Variants in SGSH observed in about 807,000 individuals in gnomAD.
The protein encoded by SGSH is heparan sulfate sulfatase.
SGSH carries 48 observed loss-of-function variants against 51.0 expected under a neutral mutation model. That is an observed-to-expected ratio of 0.94 (90% CI 0.75 to 1.20). SGSH has a LOEUF of 1.20. SGSH is among the 50% of genes most tolerant of loss of function. SGSH has a pLI of 0.00. For synonymous variants in SGSH, 321 were observed against 313.4 expected (o/e 1.02, Z -0.26); for missense variants, 662 against 717.8 (o/e 0.92, Z 0.89).
At chr17:80,215,931 C>T (rs1337833329) in intron 2 of SGSH, among the ~76,000 whole-genome samples, 2 of 152,222 alleles carry the variant, frequency 1.3e-5, no homozygotes, top group Non-Finnish European at 2.9e-5. Context: ...ATACGGGGCC[C>T]ATCCATCCAC....
chr17:80,215,053 C>G lies in SGSH; in HGVS notation c.335G>C (p.Ser112Thr), dbSNP rs773947080. ...DKVRSLPLLLSQAGVRTGIIG... is the reference protein window; with the variant it reads ...DKVRSLPLLLTQAGVRTGIIG... The stretch of plus-strand genomic sequence containing the variant: ...CTCACCTGTGCGCACACCAGCTTGG[C>G]TGAGCAGCAGCGGCAGGCTCCGCAC... The change falls in exon 3 of 8, where the codon AGC becomes ACC. Residue 112 changes from serine (S) to threonine (T), a missense_variant. Physicochemically the swap from Ser to Thr is moderately conservative, Grantham distance 58. Coordinates refer to ENST00000326317, the MANE Select transcript of SGSH (RefSeq NM_000199.5). 6.2e-7 allele frequency: 1 copy of G among 1,611,600 alleles called. No homozygotes were observed. The highest frequency in any genetic ancestry group is 1.7e-5 in the Admixed American group (1 of 60,022).
In SGSH at chr17:80,210,577, C is replaced by T. The variant is rs1230339141; in HGVS notation, c.1384G>A (p.Glu462Lys). 6.2e-7 allele frequency: 1 copy of T among 1,613,298 alleles called. No homozygotes were observed. Among genetic ancestry groups the T allele is most frequent in the Non-Finnish European group, 8.5e-7 (1 of 1,179,924 alleles). ...ATDPRFAQLLEMLRDQLAKWQ... is the reference protein window; with the variant it reads ...ATDPRFAQLLKMLRDQLAKWQ... ...TTGGCCAGCTGGTCCCGAAGCATCTCCAGAAGCTGAGCAAAGCGCGGGTCG... is the reference window on the plus strand; with the variant it reads ...TTGGCCAGCTGGTCCCGAAGCATCTTCAGAAGCTGAGCAAAGCGCGGGTCG... The change falls in exon 8 of 8, where the codon GAG becomes AAG. Residue 462 changes from glutamate (E) to lysine (K), a missense_variant. Transcript: ENST00000326317.
rs2269374 is a variant in SGSH at position 80,211,843 on chromosome 17, G to A, written c.949+228C>T. 0.46 allele frequency: 272,639 copies of A among 587,988 alleles called. 66,346 individuals carry two copies. Among genetic ancestry groups the A allele is most frequent in the African/African-American group, 0.72 (38,646 of 53,834 alleles). 36.4% of individuals were successfully genotyped at this position (587,988 alleles called of 1,614,324 possible). On this transcript the variant is annotated intron_variant, in intron 7 of 7. Coordinates refer to ENST00000326317, the MANE Select transcript of SGSH (RefSeq NM_000199.5). ...ATGGTTTTGAAAGCAGCAGGATCCA[G>A]GCGAGAATCCTAGCTTAGTGCTTAC...
At chr17:80,214,927 G>A in intron 3 of SGSH, 106 bp downstream of exon 3, 2 of 1,285,238 alleles carry the variant, frequency 1.6e-6, no homozygotes, top group Admixed American at 1.9e-5. Context: ...GCTAAGGGCA[G>A]GCCACGGGGG....
chr17:80,220,186 C>T, intron 1 of SGSH, 40 bp downstream of exon 1: 1 of 1,458,078 alleles, frequency 6.9e-7, no homozygotes. Context: ...CTTCCCCGGG[C>T]CACCGCAGGT....
downstream of SGSH, chr17:80,208,476 G>A: frequency 1.2e-6 from 1 of 836,790 alleles, no homozygotes; most frequent in Non-Finnish European, 1.8e-6. Context: ...CCCACTGGCT[G>A]GGGTCTAACC....
intron 1 of SGSH, among the ~76,000 whole-genome samples, chr17:80,219,545 G>A (rs552286150): frequency 6.6e-6 from 1 of 152,342 alleles, no homozygotes; most frequent in East Asian, 1.9e-4. Context: ...ACAGTGAGCC[G>A]AACCCCCGCC....
rs573601155 is a variant in SGSH, at chr17:80,214,549, G to T, written c.506+66C>A. On this transcript the variant is annotated intron_variant, in intron 4 of 7. Coordinates refer to ENST00000326317, the MANE Select transcript of SGSH (RefSeq NM_000199.5). ...CACGTGGGGGCCCATGCATCCCGCC[G>T]GAAGACTCCGGGCTGTGCTCTGGTA... The T allele has an allele frequency of 2.5e-5, 39 of 1,537,374 alleles. No individual in the cohort carries two copies. In the East Asian group the frequency reaches 3.3e-4, roughly 13 times the overall value.
chr17:80,212,714 A>C lies in SGSH; in HGVS notation c.746-440T>G. On this transcript the variant is annotated intron_variant, in intron 6 of 7. Transcript: ENST00000326317. This position sits in a 1 kb window ranked among gnomAD's most constrained non-coding sequence, Gnocchi z 5.9. ...CTCCTTCCCAGCTCACTAAGAATTA[A>C]TGGCACCAATAGGGAAATGGCAAAG... The C allele has an allele frequency of 3.6e-6, 1 of 281,004 alleles. No individual in the cohort carries two copies. Among genetic ancestry groups the C allele is most frequent in the Non-Finnish European group, 7.0e-6 (1 of 142,308 alleles). 17.4% of individuals were successfully genotyped at this position (281,004 alleles called of 1,614,324 possible). A position where few individuals can be genotyped will look rare whatever the true frequency, so the allele number is the denominator to read the frequency against.
chr17:80,220,257 C>A lies in SGSH; in HGVS notation c.57G>T (p.Arg19=). Reference sequence around the variant, plus strand: ...GCAGCAGTGCGTTCCGGGGACGCGCCCGGCAGAGCCCCAGGACTAGCAGCA... The same window carrying A: ...GCAGCAGTGCGTTCCGGGGACGCGCACGGCAGAGCCCCAGGACTAGCAGCA... ...CALLLVLGLC[R]ARPRNALLLL... The change falls in exon 1 of 8, where the codon CGG becomes CGT. Residue 19 remains arginine (R), a synonymous_variant. Transcript: ENST00000326317. The A allele has an allele frequency of 6.6e-7, 1 of 1,523,226 alleles. No homozygotes were observed. Among genetic ancestry groups the A allele is most frequent in the Non-Finnish European group, 8.8e-7 (1 of 1,141,986 alleles). The allele number at this position is 1,523,226 out of a possible 1,614,324, so 94.4% of individuals were successfully genotyped here.
downstream of SGSH, chr17:80,205,158 T>G (rs1200095652): frequency 1.2e-6 from 2 of 1,613,866 alleles, no homozygotes; most frequent in Non-Finnish European, 1.7e-6. Flanking sequence ...GGGAAGATCC[T>G]GAGCGAGAAA....
chr17:80,205,089 T>C (rs760352024), downstream of SGSH: 14 of 1,613,004 alleles, frequency 8.7e-6, no homozygotes, highest in South Asian at 1.5e-4. Flanking sequence ...CCCTATACCC[T>C]GGTGCGGCCC....
chr17:80,210,746 T>G lies in SGSH; in HGVS notation c.1215A>C (p.Ser405=), dbSNP rs1352657640. The G allele has an allele frequency of 6.2e-6, 10 of 1,613,882 alleles. No individual in the cohort carries two copies. Among genetic ancestry groups the G allele is most frequent in the Admixed American group, 1.7e-5 (1 of 59,998 alleles). The change falls in exon 8 of 8, where the codon TCA becomes TCC. Residue 405 remains serine (S), a synonymous_variant. Coordinates refer to ENST00000326317, the MANE Select transcript of SGSH (RefSeq NM_000199.5). ...PFPIDQDFYV[S]PTFQDLLNRT... is the part of the protein sequence containing the mutation. ...GGTTCAGGAGGTCCTGGAAGGTGGG[T>G]GAGACGTAGAAGTCCTGGTCGATGG... is the stretch of plus-strand genomic sequence containing the variant.
At chr17:80,218,636 G>A (rs1394262710) in intron 1 of SGSH, among the ~76,000 whole-genome samples, 2 of 152,230 alleles carry the variant, frequency 1.3e-5, no homozygotes, top group African/African-American at 2.4e-5. Context: ...GGGAGAGCGG[G>A]ATGGGCTGTG....
In SGSH at chr17:80,213,548, T is replaced by C; in HGVS notation, c.745+256A>G. On this transcript the variant is annotated intron_variant, in intron 6 of 7. Coordinates refer to ENST00000326317, the MANE Select transcript of SGSH (RefSeq NM_000199.5). This position sits in a 1 kb window ranked among gnomAD's most constrained non-coding sequence, Gnocchi z 4.6. ...GACCCAGGTCCTGTGACTGGAAATA[T>C]CTGAAGTCTTCACGCAACCTCTGGG... The C allele has an allele frequency of 3.5e-6, 2 of 573,896 alleles. No homozygotes were observed. Among genetic ancestry groups the C allele is most frequent in the Non-Finnish European group, 3.1e-6 (1 of 320,786 alleles). The allele number at this position is 573,896 out of a possible 1,614,324, so 35.6% of individuals were successfully genotyped here.
At chr17:80,204,020 C>T (rs2041136186), downstream of SGSH, 1 of 829,602 alleles carries the variant, frequency 1.2e-6, no homozygotes, top group Non-Finnish European at 1.9e-6. Context: ...CTCTCCTCTG[C>T]ACCCCTTCAA....
Position 80,220,253 on chromosome 17 carries a change from G to T in SGSH, c.61C>A (p.Arg21Ser), listed in dbSNP as rs1184905613. 1 of 1,523,428 alleles carries T rather than the reference G, an allele frequency of 6.6e-7. No homozygotes were observed. The highest frequency in any genetic ancestry group is 8.8e-7 in the Non-Finnish European group (1 of 1,142,038). 94.4% of individuals were successfully genotyped at this position (1,523,428 alleles called of 1,614,324 possible). A position where few individuals can be genotyped will look rare whatever the true frequency, so the allele number is the denominator to read the frequency against. The part of the protein sequence containing the change: ...LLLVLGLCRA[R>S]PRNALLLLAD... ...AGGAGCAGCAGTGCGTTCCGGGGAC[G>T]CGCCCGGCAGAGCCCCAGGACTAGC... Residue 21 changes from arginine (R) to serine (S), a missense_variant, in exon 1 of 8, where the codon CGT becomes AGT. Transcript: ENST00000326317.
chr17:80,209,162 C>T (rs993730466), downstream of SGSH: 6 of 314,828 alleles, frequency 1.9e-5, no homozygotes, highest in Non-Finnish European at 2.8e-5. Context: ...CCAGGTCCGC[C>T]AGCACCTGGC....
downstream of SGSH, chr17:80,203,561 C>A (rs1396515705): frequency 2.3e-6 from 1 of 441,386 alleles, no homozygotes; most frequent in South Asian, 4.4e-5. The surrounding 1 kb of genome is among the most constrained non-coding windows in gnomAD (Gnocchi z 4.6). Flanking sequence ...CTCAACAGCA[C>A]CCCCTGGGTC....
Sources: allele counts gnomAD v4.1 joint callset (sites outside exome capture counted in the v4.1 genomes callset), GRCh38; gene constraint gnomAD v4.1.1; non-coding constraint Gnocchi (gnomAD v3.1); transcripts MANE v1.5; gene names NCBI Gene and HGNC (gene_info 2026-07-23, HGNC 2026-07-21).